The following GREB1L variants were observed in gnomAD, a reference collection of about 807,000 sequenced individuals.
GREB1L encodes GREB1-like protein.
A neutral mutation model predicts 200.8 loss-of-function variants in GREB1L; 17 were observed. The ratio of observed to expected loss-of-function variants is 0.08; its 90% CI spans 0.06 to 0.13. The LOEUF (loss-of-function observed/expected upper bound fraction) is 0.13. GREB1L is among the 10% of genes least tolerant of loss of function. GREB1L has a pLI of 1.00. For missense variants in GREB1L, 1,657 were observed against 2,367.7 expected (o/e 0.70, Z 6.23); for synonymous variants, 789 against 893.0 (o/e 0.88, Z 2.08).
Position 21,505,554 on chromosome 18 carries a change from A to G in GREB1L, c.4215A>G (p.Ala1405=), listed in dbSNP as rs2036977856. 6.4e-7 allele frequency: 1 copy of G among 1,551,798 alleles called. No individual in the cohort carries two copies. The highest frequency in any genetic ancestry group is 8.7e-7 in the Non-Finnish European group (1 of 1,147,008). ...LMSLVYTEKL[A]GVKQEVIKES... ...GCCTGGTGTATACTGAGAAGCTGGC[A>G]GGGGTCAAACAAGGTCAGTGCAATC... Residue 1405 remains alanine, a synonymous_variant, in exon 24 of 33, where the codon GCA becomes GCG. Transcript: ENST00000424526.
chr18:21,268,560 CATATATAT>C (rs370094258), intron 1 of GREB1L, among the ~76,000 whole-genome samples: 951 of 63,464 alleles, frequency 0.015, 11 homozygotes, highest in African/African-American at 0.044. Flanking sequence ...CACACACACA[CATATATAT>C]ATATATATAT....
chr18:21,491,167 G>A (rs1415171581), intron 19 of GREB1L, among the ~76,000 whole-genome samples: 4 of 152,104 alleles, frequency 2.6e-5, no homozygotes, highest in Non-Finnish European at 5.9e-5. Flanking sequence ...CCTACATGTC[G>A]GTATGGAACT....
intron 1 of GREB1L, among the ~76,000 whole-genome samples, chr18:21,310,699 C>T (rs1404442297): frequency 3.3e-5 from 5 of 152,018 alleles, no homozygotes; most frequent in African/African-American, 4.8e-5. Flanking sequence ...ACTGCTAAAC[C>T]GAAAAGTAGG....
chr18:21,495,688 C>T lies in GREB1L; in HGVS notation c.3049C>T (p.Pro1017Ser). ...ARLKSWRGNE[P>S]EEWIPRTYQD... The stretch of plus-strand genomic sequence containing the variant: ...TCTGTAGAGTTGGAGAGGAAATGAA[C>T]CAGAAGAGTGGATCCCTCGGACATA... The change falls in exon 20 of 33, where the codon CCA (proline) becomes TCA (serine). Residue 1017 changes from proline (P) to serine (S), a missense_variant. Physicochemically the swap from Pro to Ser is moderately conservative, Grantham distance 74. Coordinates refer to ENST00000424526, the MANE Select transcript of GREB1L (RefSeq NM_001142966.3). The T allele has an allele frequency of 3.9e-6, 6 of 1,526,832 alleles. No homozygotes were observed. The highest frequency in any genetic ancestry group is 5.3e-6 in the Non-Finnish European group (6 of 1,126,376). The allele number at this position is 1,526,832 out of a possible 1,614,324, so 94.6% of individuals were successfully genotyped here. A position where few individuals can be genotyped will look rare whatever the true frequency, so the allele number is the denominator to read the frequency against.
At chr18:21,273,095 C>T (rs1052332518) in intron 1 of GREB1L, among the ~76,000 whole-genome samples, 18 of 152,000 alleles carry the variant, frequency 1.2e-4, no homozygotes, top group African/African-American at 3.6e-4. Flanking sequence ...GATGTGGTTG[C>T]GGGTGCCTGT....
intron 23 of GREB1L, 64 bp downstream of exon 23, chr18:21,500,706 C>G: frequency 8.4e-7 from 1 of 1,189,938 alleles, no homozygotes; most frequent in African/African-American, 1.6e-5. Flanking sequence ...TTGCAAATCC[C>G]GGGAACTTGC....
intron 2 of GREB1L, among the ~76,000 whole-genome samples, chr18:21,378,888 G>T (rs2040188071): frequency 2.6e-5 from 4 of 151,252 alleles, no homozygotes; most frequent in Non-Finnish European, 4.4e-5. Context: ...TTTTCGGGGG[G>T]GGACAGGATC....
intron 1 of GREB1L, among the ~76,000 whole-genome samples, chr18:21,326,192 G>A (rs2039019725): frequency 6.6e-6 from 1 of 151,714 alleles, no homozygotes; most frequent in African/African-American, 2.4e-5. Flanking sequence ...ATGGAAAAAA[G>A]AACAGTGTGT....
chr18:21,456,700 A>G (rs1200658624), intron 15 of GREB1L, among the ~76,000 whole-genome samples: 5 of 152,186 alleles, frequency 3.3e-5, no homozygotes, highest in African/African-American at 9.7e-5. Flanking sequence ...CTTGTTGGAA[A>G]TATCGACCTG....
chr18:21,408,088 T>C (rs1222300185), intron 7 of GREB1L, among the ~76,000 whole-genome samples: 1 of 152,196 alleles, frequency 6.6e-6, no homozygotes, highest in Non-Finnish European at 1.5e-5. Flanking sequence ...ATAATATATA[T>C]TTTTAAATAG....
intron 1 of GREB1L, among the ~76,000 whole-genome samples, chr18:21,277,410 CTT>C (rs2038186910): frequency 6.6e-6 from 1 of 152,202 alleles, no homozygotes; most frequent in Non-Finnish European, 1.5e-5. Flanking sequence ...TTGCCTCATT[CTT>C]AAAATGTGCT....
At chr18:21,381,244 AAATAAT>A (rs988191810) in intron 2 of GREB1L, among the ~76,000 whole-genome samples, 1 of 151,108 alleles carries the variant, frequency 6.6e-6, no homozygotes, top group African/African-American at 2.4e-5. Context: ...TCCGTCTCAA[AAATAAT>A]AATAATAATT....
Position 21,308,492 on chromosome 18 carries a change from C to T in GREB1L, c.-119-57535C>T, listed in dbSNP as rs1271885088. ...ACTAAACAATAGCTGAGAGTATCAT[C>T]GCCACTATCACCGTCGTCATCATCG... is the stretch of plus-strand genomic sequence containing the variant. On this transcript the variant is annotated intron_variant, in intron 1 of 32. Transcript: ENST00000424526. 3.9e-5 allele frequency among the ~76,000 whole-genome samples: 6 copies of T among 152,314 alleles called. 1 individual carries two copies. The South Asian group carries it at 6.2e-4, about 16-fold the overall frequency.
At chr18:21,383,985 A>G (rs1294027521) in intron 3 of GREB1L, among the ~76,000 whole-genome samples, 2 of 152,112 alleles carry the variant, frequency 1.3e-5, no homozygotes, top group African/African-American at 2.4e-5. Context: ...AAGTGCTGGG[A>G]TTACAGGCAT....
At chr18:21,251,823 T>A (rs1244124415) in intron 1 of GREB1L, among the ~76,000 whole-genome samples, 3 of 151,776 alleles carry the variant, frequency 2.0e-5, no homozygotes, top group African/African-American at 4.8e-5. Flanking sequence ...CGCATGCCTG[T>A]AATCCCAGCT....
intron 1 of GREB1L, among the ~76,000 whole-genome samples, chr18:21,276,303 T>C (rs1041274596): frequency 3.9e-5 from 6 of 152,184 alleles, no homozygotes; most frequent in African/African-American, 7.2e-5. Context: ...AATACCTAAC[T>C]CTCCAACCAT....
At chr18:21,255,987 T>C (rs1333794088) in intron 1 of GREB1L, among the ~76,000 whole-genome samples, 1 of 152,222 alleles carries the variant, frequency 6.6e-6, no homozygotes, top group African/African-American at 2.4e-5. Context: ...ATATGGATGA[T>C]AGAGTATTTC....
At chr18:21,433,934 C>T (rs530957717) in intron 7 of GREB1L, among the ~76,000 whole-genome samples, 18 of 152,240 alleles carry the variant, frequency 1.2e-4, no homozygotes, top group South Asian at 4.2e-4. Flanking sequence ...ATCTTTCTCT[C>T]TTCCACAGCC....
chr18:21,367,458 C>T lies in GREB1L; in HGVS notation c.-10+1322C>T, dbSNP rs377611155. Reference sequence around the variant, plus strand: ...CTTTCCTTGGAGCAGAAAGCGGTAGCGGGTGGGGAGTGAGGGAGGGTGGAC... The same window carrying T: ...CTTTCCTTGGAGCAGAAAGCGGTAGTGGGTGGGGAGTGAGGGAGGGTGGAC... On this transcript the variant is annotated intron_variant, in intron 2 of 32. Coordinates refer to ENST00000424526, the MANE Select transcript of GREB1L (RefSeq NM_001142966.3). Among the ~76,000 whole-genome samples, 48 of 152,102 alleles carry T rather than the reference C, an allele frequency of 3.2e-4. No individual in the cohort carries two copies. The South Asian group carries it at 8.8e-3, about 28-fold the overall frequency.
Sources: gnomAD v4.1 joint callset for allele counts (sites outside exome capture counted in the v4.1 genomes callset) on GRCh38, gnomAD v4.1.1 for gene constraint, MANE v1.5 for transcripts, NCBI Gene and HGNC (gene_info 2026-07-23, HGNC 2026-07-21) for gene names.